SLC14A2: variants seen among roughly 807,000 people sequenced by gnomAD.
SLC14A2 encodes the protein urea transporter 2.
SLC14A2 carries 91 observed loss-of-function variants against 104.6 expected under a neutral mutation model. The observed-to-expected ratio is 0.87, with a 90% CI of 0.73 to 1.04. The LOEUF is 1.04. SLC14A2 is among the 50% of genes least tolerant of loss of function. The pLI is 0.00. For synonymous variants in SLC14A2, 476 were observed against 466.4 expected (o/e 1.02, Z -0.27); for missense variants, 1,189 against 1,156.0 (o/e 1.03, Z -0.41).
chr18:45,623,898 G>A (rs893010216), intron 1 of SLC14A2, among the ~76,000 whole-genome samples: 1 of 152,198 alleles, frequency 6.6e-6, no homozygotes, highest in Non-Finnish European at 1.5e-5. Flanking sequence ...GAGAAGAAAT[G>A]CACAAATGGC....
chr18:45,294,183 C>A (rs1480509461), intron 1 of SLC14A2, among the ~76,000 whole-genome samples: 1 of 152,000 alleles, frequency 6.6e-6, no homozygotes, highest in African/African-American at 2.4e-5. Flanking sequence ...ATCAAATAGG[C>A]AGATATTTTT....
At chr18:45,439,299 A>G (rs1276403284) in intron 1 of SLC14A2, among the ~76,000 whole-genome samples, 1 of 152,096 alleles carries the variant, frequency 6.6e-6, no homozygotes, top group Non-Finnish European at 1.5e-5. Flanking sequence ...TGCCAGGCAA[A>G]GTTGCCTGGT....
intron 2 of SLC14A2, among the ~76,000 whole-genome samples, chr18:45,601,787 G>C (rs995756155): frequency 1.3e-5 from 2 of 152,244 alleles, no homozygotes; most frequent in African/African-American, 2.4e-5. Context: ...TCTGTAGCAT[G>C]ATGAAGCAAC....
chr18:45,189,031 C>T, the SLC14A2 span, among the ~76,000 whole-genome samples: 5 of 152,156 alleles, frequency 3.3e-5, no homozygotes, highest in East Asian at 1.9e-4. Flanking sequence ...TTGTTACATG[C>T]CTTTTCCCAG....
intron 1 of SLC14A2, among the ~76,000 whole-genome samples, chr18:45,325,752 A>G (rs554495069): frequency 2.1e-4 from 32 of 152,146 alleles, no homozygotes; most frequent in Non-Finnish European, 1.8e-4. Context: ...CCTAAGCTGT[A>G]ATCTTGATCA....
chr18:45,168,012 A>C, the SLC14A2 span, among the ~76,000 whole-genome samples: 34 of 152,202 alleles, frequency 2.2e-4, no homozygotes, highest in Non-Finnish European at 4.0e-4. Context: ...ATCTGCTACT[A>C]ACTCGGCATG....
chr18:45,319,034 G>A (rs537960814), intron 1 of SLC14A2, among the ~76,000 whole-genome samples: 1 of 152,324 alleles, frequency 6.6e-6, no homozygotes, highest in South Asian at 2.1e-4. Context: ...CTCTGCAGCA[G>A]TTTCCTTGCT....
At chr18:45,208,402 A>C (rs145736701), upstream of SLC14A2, among the ~76,000 whole-genome samples, 1 of 152,212 alleles carries the variant, frequency 6.6e-6, no homozygotes, top group East Asian at 1.9e-4. Context: ...TCTGAGAGAC[A>C]TAAGAGCTAA....
intron 1 of SLC14A2, among the ~76,000 whole-genome samples, chr18:45,396,159 TCA>T: frequency 2.0e-5 from 3 of 152,194 alleles, no homozygotes; most frequent in Non-Finnish European, 4.4e-5. Flanking sequence ...TTACCTGAGT[TCA>T]GATCTTTATG....
chr18:45,390,466 A>G (rs1254341573), intron 1 of SLC14A2, among the ~76,000 whole-genome samples: 5 of 152,184 alleles, frequency 3.3e-5, no homozygotes, highest in African/African-American at 7.2e-5. Flanking sequence ...ACGCCCTAGT[A>G]GGTGAATTTA....
At chr18:45,666,826 G>C in intron 12 of SLC14A2, 109 bp from the exon 13 acceptor site, 1 of 921,368 alleles carries the variant, frequency 1.1e-6, no homozygotes, top group Non-Finnish European at 1.7e-6. Flanking sequence ...GCAATTTAAT[G>C]AAATACCAAA....
intron 1 of SLC14A2, among the ~76,000 whole-genome samples, chr18:45,347,091 C>T (rs2085457119): frequency 6.6e-6 from 1 of 152,184 alleles, no homozygotes; most frequent in Admixed American, 6.5e-5. Context: ...CGTGGTGGCT[C>T]ATGCCTGTAA....
intron 1 of SLC14A2, among the ~76,000 whole-genome samples, chr18:45,408,034 G>T (rs2086175374): frequency 2.0e-5 from 3 of 152,190 alleles, no homozygotes. Context: ...AGGCAGGGTT[G>T]CCACAAACCT....
At chr18:45,240,654 TTG>T (rs1262304994) in intron 1 of SLC14A2, among the ~76,000 whole-genome samples, 17 of 146,130 alleles carry the variant, frequency 1.2e-4, no homozygotes, top group African/African-American at 4.7e-4. Flanking sequence ...TTTTTTGTTT[TTG>T]TTTTTGGTTT....
intron 2 of SLC14A2, among the ~76,000 whole-genome samples, chr18:45,509,694 G>A (rs1195966342): frequency 6.6e-6 from 1 of 152,172 alleles, no homozygotes; most frequent in Non-Finnish European, 1.5e-5. Flanking sequence ...TCTGCACCCT[G>A]TGGGCCCCCA....
chr18:45,496,593 C>T (rs1441408150), intron 2 of SLC14A2, among the ~76,000 whole-genome samples: 1 of 152,138 alleles, frequency 6.6e-6, no homozygotes, highest in Non-Finnish European at 1.5e-5. Flanking sequence ...TGGTGAAACC[C>T]CATCTCTAGC....
At chr18:45,282,687 A>G (rs1281719940) in intron 1 of SLC14A2, among the ~76,000 whole-genome samples, 1 of 152,144 alleles carries the variant, frequency 6.6e-6, no homozygotes, top group Non-Finnish European at 1.5e-5. Flanking sequence ...GGCAAACCAT[A>G]AAGATGGGAT....
chr18:45,240,767 C>T (rs1445133735), intron 1 of SLC14A2, among the ~76,000 whole-genome samples: 1 of 151,818 alleles, frequency 6.6e-6, no homozygotes, highest in Non-Finnish European at 1.5e-5. Flanking sequence ...AAGCTATTCT[C>T]CTGCCTCAGC....
intron 1 of SLC14A2, among the ~76,000 whole-genome samples, chr18:45,317,505 G>C (rs1207428508): frequency 1.3e-5 from 2 of 152,196 alleles, no homozygotes; most frequent in Non-Finnish European, 2.9e-5. Flanking sequence ...AGAATAACAG[G>C]AGCCTGTTTT....
Sources: gnomAD v4.1 joint callset for allele counts (sites outside exome capture counted in the v4.1 genomes callset) on GRCh38, gnomAD v4.1.1 for gene constraint, MANE v1.5 for transcripts, NCBI Gene and HGNC (gene_info 2026-07-23, HGNC 2026-07-21) for gene names.